Variants in HKDC1 observed in about 807,000 individuals in gnomAD.
HKDC1 encodes the protein hexokinase domain containing 1.
In HKDC1, 66 loss-of-function variants were observed where a neutral mutation model predicts 96.6. The ratio of observed to expected loss-of-function variants is 0.68; its 90% CI spans 0.56 to 0.84. The LOEUF (loss-of-function observed/expected upper bound fraction) is 0.84, where lower values mean the gene tolerates loss of function less well. HKDC1 is among the 40% of genes least tolerant of loss of function. The pLI, the probability that HKDC1 is intolerant of heterozygous loss-of-function variation, is 0.00. For synonymous variants in HKDC1, 466 were observed against 473.1 expected (o/e 0.98, Z 0.20); for missense variants, 1,211 against 1,208.1 (o/e 1.00, Z -0.04).
rs1193069224 is a variant in HKDC1 at position 69,266,663 on chromosome 10, T to C, written c.2660T>C (p.Val887Ala). 1 of 1,614,154 alleles carries C rather than the reference T, an allele frequency of 6.2e-7. No homozygotes were observed. Among genetic ancestry groups the C allele is most frequent in the South Asian group, 1.1e-5 (1 of 91,080 alleles). ...TVKELAPRCD[V>A]TFMLSEDGSG... ...AAGGAACTAGCCCCTCGATGTGATG[T>C]GACATTCATGCTGTCAGAAGATGGC... Residue 887 changes from valine to alanine, a missense_variant, in exon 18 of 18, where the codon GTG (valine) becomes GCG (alanine). Transcript: ENST00000354624.
intron 2 of HKDC1, among the ~76,000 whole-genome samples, chr10:69,232,124 T>C (rs1431069611): frequency 1.3e-5 from 2 of 152,234 alleles, no homozygotes; most frequent in Admixed American, 1.3e-4. Flanking sequence ...ATTACAGGCA[T>C]GAGCCACTGT....
At chr10:69,248,346 G>A in intron 9 of HKDC1, 78 bp from the exon 10 acceptor site, 1 of 1,448,652 alleles carries the variant, frequency 6.9e-7, no homozygotes, top group Non-Finnish European at 9.3e-7. Context: ...CCGGGACTGG[G>A]TTTACTGCTG....
At chr10:69,252,374 G>A (rs570042310) in intron 12 of HKDC1, among the ~76,000 whole-genome samples, 19 of 152,052 alleles carry the variant, frequency 1.2e-4, no homozygotes, top group African/African-American at 2.7e-4. Flanking sequence ...GGCCGGGAGC[G>A]GTGGCTCATG....
chr10:69,265,645 G>A lies in HKDC1; in HGVS notation c.2433G>A (p.Thr811=), dbSNP rs897952768. The part of the protein sequence containing the change: ...RILQQLGLDS[T]CEDSIVVKEV... ...TGCAGCAGCTGGGCCTGGACAGCAC[G>A]TGTGAGGACAGCATCGTGGTGAAGG... Residue 811 remains threonine, a synonymous_variant, in exon 17 of 18, where the codon ACG becomes ACA. Coordinates refer to ENST00000354624, the MANE Select transcript of HKDC1 (RefSeq NM_025130.4). 3.1e-6 allele frequency: 5 copies of A among 1,614,084 alleles called. No individual in the cohort carries two copies. The highest frequency in any genetic ancestry group is 2.2e-5 in the South Asian group (2 of 91,078).
At chr10:69,227,659 G>A (rs960627783) in intron 2 of HKDC1, among the ~76,000 whole-genome samples, 11 of 152,136 alleles carry the variant, frequency 7.2e-5, no homozygotes, top group Admixed American at 2.0e-4. Context: ...TGGCTTTTCC[G>A]TCTCAGCGTA....
intron 15 of HKDC1, 41 bp from the exon 16 acceptor site, chr10:69,261,098 A>G (rs745602433): frequency 1.3e-6 from 2 of 1,588,608 alleles, no homozygotes; most frequent in East Asian, 2.3e-5. Context: ...GGTCTTCTGC[A>G]TTGCAGGTCT....
chr10:69,244,666 A>T (rs56061483), intron 7 of HKDC1, among the ~76,000 whole-genome samples: 34 of 298 alleles, frequency 0.11, no homozygotes, highest in Non-Finnish European at 0.3. Flanking sequence ...ATAAAAATTA[A>T]AAAAAAAAAA....
chr10:69,223,183 C>T (rs2132326928), intron 1 of HKDC1: 1 of 152,304 alleles, frequency 6.6e-6, no homozygotes, highest in Non-Finnish European at 1.5e-5. Context: ...ATTGTTCATC[C>T]ACAGGAGAAC....
At chr10:69,221,961 C>T (rs1407138478) in intron 1 of HKDC1, among the ~76,000 whole-genome samples, 4 of 151,780 alleles carry the variant, frequency 2.6e-5, no homozygotes, top group South Asian at 2.1e-4. Context: ...GTGGCTCATA[C>T]CTATAATCCC....
At position 69,253,129 on chromosome 10, in the gene HKDC1, G is replaced by T. The variant is rs558615353; in HGVS notation, c.1836+2477G>T. On this transcript the variant is annotated intron_variant, in intron 12 of 17. Coordinates refer to ENST00000354624, the MANE Select transcript of HKDC1 (RefSeq NM_025130.4). ...GTCAGTATTGTGTGTTTTTTGCATG[G>T]TTTTTTTGGTAAACTAGCTTGACCA... is the stretch of plus-strand genomic sequence containing the variant. Among the ~76,000 whole-genome samples the T allele has an allele frequency of 1.1e-4, 17 of 152,142 alleles. No homozygotes were observed. The South Asian group carries it at 2.7e-3, about 24-fold the overall frequency.
intron 16 of HKDC1, chr10:69,262,027 T>C: frequency 2.5e-6 from 1 of 405,756 alleles, no homozygotes; most frequent in Non-Finnish European, 4.9e-6. Flanking sequence ...TAGGTGGCAT[T>C]GAGTTGTCTG....
intron 2 of HKDC1, among the ~76,000 whole-genome samples, chr10:69,228,364 G>C (rs973141356): frequency 2.0e-5 from 3 of 152,154 alleles, no homozygotes; most frequent in African/African-American, 7.2e-5. Flanking sequence ...CAGCTGATGA[G>C]CAATTTTGAT....
intron 2 of HKDC1, among the ~76,000 whole-genome samples, chr10:69,230,065 C>A (rs1269893040): frequency 6.6e-6 from 1 of 152,168 alleles, no homozygotes; most frequent in Non-Finnish European, 1.5e-5. Flanking sequence ...CCTGAGTTTG[C>A]CTACTCCCAT....
At chr10:69,249,167 G>C (rs1421998442) in intron 10 of HKDC1, among the ~76,000 whole-genome samples, 3 of 152,078 alleles carry the variant, frequency 2.0e-5, no homozygotes, top group Non-Finnish European at 4.4e-5. Context: ...TCCAACCCTT[G>C]ATCCTTCTGG....
At chr10:69,232,473 A>G in intron 2 of HKDC1, 1 of 384,134 alleles carries the variant, frequency 2.6e-6, no homozygotes. Context: ...TACCACCGCA[A>G]GGGCTGTGCT....
intron 1 of HKDC1, chr10:69,225,837 T>C (rs1392793330): frequency 1.3e-5 from 2 of 152,346 alleles, no homozygotes; most frequent in East Asian, 3.9e-4. Flanking sequence ...GACAAGAACT[T>C]TGGCCTTACG....
At chr10:69,263,070 GT>G (rs1348793695) in intron 16 of HKDC1, among the ~76,000 whole-genome samples, 3 of 151,988 alleles carry the variant, frequency 2.0e-5, no homozygotes, top group African/African-American at 7.3e-5. Context: ...TTGTTGTTTT[GT>G]TTTTGTTTTC....
chr10:69,245,607 A>AATAATAATG (rs1405183149), intron 7 of HKDC1, among the ~76,000 whole-genome samples: 1 of 138,992 alleles, frequency 7.2e-6, no homozygotes. Flanking sequence ...TAATAATAAT[A>AATAATAATG]ATGTTCAATA....
intron 5 of HKDC1, among the ~76,000 whole-genome samples, chr10:69,239,470 G>A (rs1386505279): frequency 6.6e-6 from 1 of 152,210 alleles, no homozygotes; most frequent in Non-Finnish European, 1.5e-5. Context: ...CTCTGAGGCT[G>A]AAAAGATCAT....
Sources: gnomAD v4.1 joint callset for allele counts (sites outside exome capture counted in the v4.1 genomes callset) on GRCh38, gnomAD v4.1.1 for gene constraint, MANE v1.5 for transcripts, NCBI Gene and HGNC (gene_info 2026-07-23, HGNC 2026-07-21) for gene names.